The following EXT1 variants were observed in gnomAD, a reference collection of about 807,000 sequenced individuals.
EXT1 encodes exostosin-1.
In EXT1, 20 loss-of-function variants were observed where a neutral mutation model predicts 82.5. The observed-to-expected ratio is 0.24, with a 90% CI of 0.17 to 0.35. The LOEUF (loss-of-function observed/expected upper bound fraction) is 0.35, where lower values mean the gene tolerates loss of function less well. Among genes scored for constraint, EXT1 ranks in the 10% least tolerant of loss-of-function variants. EXT1 has a pLI of 1.00. For synonymous variants in EXT1, 348 were observed against 350.8 expected, an observed-to-expected ratio of 0.99 and a Z score of 0.09; for missense variants, 757 against 936.5, an observed-to-expected ratio of 0.81 and a Z score of 2.50.
chr8:117,939,019 G>A (rs1476314714), intron 1 of EXT1, among the ~76,000 whole-genome samples: 1 of 151,788 alleles, frequency 6.6e-6, no homozygotes, highest in African/African-American at 2.4e-5. Context: ...ACAATCTCAT[G>A]CCCCCTCCTT....
chr8:117,934,762 G>A (rs1049015766), intron 1 of EXT1, among the ~76,000 whole-genome samples: 9 of 152,128 alleles, frequency 5.9e-5, no homozygotes, highest in African/African-American at 1.4e-4. Flanking sequence ...CAGGCACTGC[G>A]GTACAGGACA....
At chr8:117,940,704 C>G (rs968351032) in intron 1 of EXT1, among the ~76,000 whole-genome samples, 2 of 152,158 alleles carry the variant, frequency 1.3e-5, no homozygotes, top group Non-Finnish European at 2.9e-5. Context: ...ATCATTAGTT[C>G]AGAATGAGAA....
intron 1 of EXT1, among the ~76,000 whole-genome samples, chr8:117,932,885 C>T (rs1814087176): frequency 7.2e-6 from 1 of 139,676 alleles, no homozygotes; most frequent in Non-Finnish European, 1.5e-5. Flanking sequence ...GCTGCCAGGG[C>T]AGCACTCAGA....
intron 1 of EXT1, among the ~76,000 whole-genome samples, chr8:117,858,122 T>C (rs544175868): frequency 6.6e-6 from 1 of 152,338 alleles, no homozygotes; most frequent in Admixed American, 6.5e-5. Context: ...TGAGATGGAA[T>C]CTACTCCTGA....
chr8:117,847,160 T>C (rs1273594958), intron 1 of EXT1, among the ~76,000 whole-genome samples: 2 of 152,144 alleles, frequency 1.3e-5, no homozygotes, highest in African/African-American at 4.8e-5. Flanking sequence ...GTCCACCAAT[T>C]TGCATTAAAG....
intron 1 of EXT1, among the ~76,000 whole-genome samples, chr8:117,902,297 TA>T (rs200049648): frequency 2.0e-5 from 3 of 152,090 alleles, no homozygotes; most frequent in East Asian, 1.9e-4. Context: ...AAAATAACAA[TA>T]AAAAAACTAT....
intron 1 of EXT1, among the ~76,000 whole-genome samples, chr8:118,071,618 A>T (rs1817096577): frequency 6.6e-6 from 1 of 152,130 alleles, no homozygotes; most frequent in Non-Finnish European, 1.5e-5. Context: ...TTGGAAGATG[A>T]TACCTCTTTA....
At chr8:118,079,314 T>A (rs2129978661) in intron 1 of EXT1, among the ~76,000 whole-genome samples, 1 of 152,340 alleles carries the variant, frequency 6.6e-6, no homozygotes, top group Admixed American at 6.5e-5. Context: ...GTCCACAAGT[T>A]GGAGGCTAAT....
At chr8:118,109,340 G>A (rs1817849074) in intron 1 of EXT1, among the ~76,000 whole-genome samples, 1 of 144,356 alleles carries the variant, frequency 6.9e-6, no homozygotes, top group Non-Finnish European at 1.5e-5. Context: ...AGTTTAGACA[G>A]TGAGACTGAG....
intron 1 of EXT1, among the ~76,000 whole-genome samples, chr8:118,024,187 A>T (rs934540180): frequency 6.6e-6 from 1 of 152,250 alleles, no homozygotes; most frequent in Non-Finnish European, 1.5e-5. Flanking sequence ...AAGGTGAGAA[A>T]ATGTAAACCC....
chr8:118,100,410 C>A (rs1378891992), intron 1 of EXT1, among the ~76,000 whole-genome samples: 3 of 152,176 alleles, frequency 2.0e-5, no homozygotes, highest in Admixed American at 6.5e-5. Context: ...GCTCCACTCA[C>A]ACACGGTGTC....
At chr8:118,104,116 C>T (rs1299304619) in intron 1 of EXT1, among the ~76,000 whole-genome samples, 1 of 152,192 alleles carries the variant, frequency 6.6e-6, no homozygotes, top group Non-Finnish European at 1.5e-5. Context: ...ACTTTACTGT[C>T]TCAGGGGCCT....
chr8:118,006,992 A>G (rs1428217584), intron 1 of EXT1, among the ~76,000 whole-genome samples: 1 of 152,128 alleles, frequency 6.6e-6, no homozygotes, highest in East Asian at 1.9e-4. Context: ...AATTAATTCA[A>G]TTTTTTAAAA....
chr8:117,995,060 C>T (rs1815508348), intron 1 of EXT1, among the ~76,000 whole-genome samples: 1 of 152,160 alleles, frequency 6.6e-6, no homozygotes, highest in South Asian at 2.1e-4. Flanking sequence ...AGTGTTTTTG[C>T]CTAACTATGG....
chr8:118,059,814 C>A (rs1040844712), intron 1 of EXT1, among the ~76,000 whole-genome samples: 1 of 152,188 alleles, frequency 6.6e-6, no homozygotes, highest in Non-Finnish European at 1.5e-5. Flanking sequence ...GTTTGTGTTT[C>A]TTTGACTGAC....
At chr8:117,995,692 A>G (rs1236271415) in intron 1 of EXT1, among the ~76,000 whole-genome samples, 2 of 152,112 alleles carry the variant, frequency 1.3e-5, no homozygotes, top group Non-Finnish European at 2.9e-5. Context: ...TTTAAGATCC[A>G]GTTTTCATGT....
chr8:117,818,770 A>T lies in EXT1; in HGVS notation c.1537-240T>A, dbSNP rs191725263. Among the ~76,000 whole-genome samples, 51 of 152,308 alleles carry T rather than the reference A, an allele frequency of 3.3e-4. 1 individual carries two copies. Among genetic ancestry groups the T allele is most frequent in the African/African-American group, 1.1e-3 (47 of 41,550 alleles). On this transcript the variant is annotated intron_variant, in intron 6 of 10. Coordinates refer to ENST00000378204, the MANE Select transcript of EXT1 (RefSeq NM_000127.3). ...CAAACAAATAAACAAACAAACAAACAAACAAAACCAACTGTGTCCGGGAAT... is the reference window on the plus strand; with the variant it reads ...CAAACAAATAAACAAACAAACAAACTAACAAAACCAACTGTGTCCGGGAAT...
chr8:118,102,930 G>A (rs1336505792), intron 1 of EXT1, among the ~76,000 whole-genome samples: 9 of 152,040 alleles, frequency 5.9e-5, no homozygotes, highest in East Asian at 3.9e-4. Context: ...CGAGGTGGGC[G>A]GATCACCGAA....
intron 1 of EXT1, among the ~76,000 whole-genome samples, chr8:117,939,571 G>A (rs367900198): frequency 3.0e-4 from 37 of 122,860 alleles, no homozygotes; most frequent in East Asian, 1.7e-3. Flanking sequence ...CTCCATCTCT[G>A]AAAAAAAAAA....
Sources: gnomAD v4.1 joint callset for allele counts (sites outside exome capture counted in the v4.1 genomes callset) on GRCh38, gnomAD v4.1.1 for gene constraint, MANE v1.5 for transcripts, NCBI Gene and HGNC (gene_info 2026-07-23, HGNC 2026-07-21) for gene names.